Variants in GABBR2 observed in about 807,000 individuals in gnomAD.
The protein encoded by GABBR2 is gamma-aminobutyric acid type B receptor subunit 2, also known as G-protein coupled receptor 51.
GABBR2 carries 23 observed loss-of-function variants against 105.6 expected under a neutral mutation model. That is an observed-to-expected ratio of 0.22 (90% CI 0.16 to 0.31). The LOEUF (loss-of-function observed/expected upper bound fraction) is 0.31, where lower values mean the gene tolerates loss of function less well. Ranked by LOEUF, GABBR2 falls within the 10% of genes least tolerant of loss-of-function variation. The probability of loss-of-function intolerance (pLI) is 1.00; values close to 1 mark genes in which losing one functional copy is unlikely to be tolerated. For missense variants in GABBR2, 734 were observed against 1,245.5 expected, an observed-to-expected ratio of 0.59 and a Z score of 6.18; for synonymous variants, 478 against 499.7, an observed-to-expected ratio of 0.96 and a Z score of 0.58.
intron 1 of GABBR2, among the ~76,000 whole-genome samples, chr9:98,609,448 T>C (rs1829474917): frequency 6.6e-6 from 1 of 152,206 alleles, no homozygotes; most frequent in Non-Finnish European, 1.5e-5. Context: ...AGCATGCCCA[T>C]ATTTCAAGTG....
chr9:98,510,906 TA>T (rs1413550735), intron 3 of GABBR2, among the ~76,000 whole-genome samples: 1 of 152,196 alleles, frequency 6.6e-6, no homozygotes, highest in African/African-American at 2.4e-5. Flanking sequence ...CAAGCAGACC[TA>T]ATAGACATCT....
intron 1 of GABBR2, among the ~76,000 whole-genome samples, chr9:98,636,755 A>G (rs1299614250): frequency 6.6e-6 from 1 of 151,766 alleles, no homozygotes; most frequent in Admixed American, 6.6e-5. Flanking sequence ...CAGCCTCCCA[A>G]AGTGCTGCAT....
intron 3 of GABBR2, among the ~76,000 whole-genome samples, chr9:98,511,996 C>T (rs1442525059): frequency 1.3e-5 from 2 of 152,144 alleles, no homozygotes; most frequent in Non-Finnish European, 2.9e-5. Context: ...AACATCGATG[C>T]AGAAATCCTC....
intron 1 of GABBR2, among the ~76,000 whole-genome samples, chr9:98,691,360 G>A (rs527773167): frequency 2.0e-5 from 3 of 152,254 alleles, no homozygotes; most frequent in Admixed American, 6.5e-5. Context: ...TACAGGGCTT[G>A]TCACCCCTAG....
intron 1 of GABBR2, among the ~76,000 whole-genome samples, chr9:98,689,171 A>G (rs1032433697): frequency 6.6e-6 from 1 of 152,214 alleles, no homozygotes; most frequent in Non-Finnish European, 1.5e-5. Context: ...AAGGCAGGTA[A>G]CTGCACCAGT....
chr9:98,396,800 C>A (rs184862539), intron 8 of GABBR2, among the ~76,000 whole-genome samples: 2 of 152,324 alleles, frequency 1.3e-5, no homozygotes, highest in Admixed American at 1.3e-4. Flanking sequence ...CGCACCCCGG[C>A]CACACAGCCT....
At chr9:98,543,224 A>T (rs1440335755) in intron 2 of GABBR2, among the ~76,000 whole-genome samples, 5 of 152,092 alleles carry the variant, frequency 3.3e-5, no homozygotes, top group Non-Finnish European at 5.9e-5. Context: ...AGCCTCAGCC[A>T]CAGAAGGTAG....
chr9:98,462,604 C>G (rs1000150194), intron 6 of GABBR2, among the ~76,000 whole-genome samples: 1 of 152,134 alleles, frequency 6.6e-6, no homozygotes, highest in African/African-American at 2.4e-5. Flanking sequence ...AACAAGACAC[C>G]AACCACTACA....
chr9:98,463,698 T>A (rs1216815303), intron 6 of GABBR2, among the ~76,000 whole-genome samples: 1 of 150,956 alleles, frequency 6.6e-6, no homozygotes, highest in Non-Finnish European at 1.5e-5. Flanking sequence ...AGTACTGCCG[T>A]GATCTCGGCT....
intron 1 of GABBR2, among the ~76,000 whole-genome samples, chr9:98,622,285 C>A (rs1185103066): frequency 3.3e-5 from 5 of 151,946 alleles, no homozygotes; most frequent in African/African-American, 1.2e-4. Flanking sequence ...CCACCTCAGC[C>A]TCCTGATTAG....
chr9:98,416,802 C>T (rs140358267), intron 7 of GABBR2, among the ~76,000 whole-genome samples: 6 of 152,340 alleles, frequency 3.9e-5, no homozygotes, highest in South Asian at 2.1e-4. Context: ...TGCTTCAGTG[C>T]TCCTTCTGTA....
chr9:98,584,252 A>G (rs1240970750), intron 1 of GABBR2, among the ~76,000 whole-genome samples: 1 of 152,196 alleles, frequency 6.6e-6, no homozygotes, highest in African/African-American at 2.4e-5. Context: ...CTGTCATGCA[A>G]TAACTCAAAG....
intron 13 of GABBR2, among the ~76,000 whole-genome samples, chr9:98,316,545 G>A (rs563105260): frequency 1.1e-4 from 17 of 152,186 alleles, no homozygotes; most frequent in Non-Finnish European, 2.4e-4. Context: ...TAACTGTTAA[G>A]CACTACCATT....
chr9:98,613,721 A>G (rs1829541512), intron 1 of GABBR2, among the ~76,000 whole-genome samples: 1 of 152,250 alleles, frequency 6.6e-6, no homozygotes, highest in Non-Finnish European at 1.5e-5. Flanking sequence ...TTCAAAAGTG[A>G]GAGGAAAACA....
At chr9:98,371,406 G>C (rs745441700) in intron 12 of GABBR2, 58 bp downstream of exon 12, 58 of 915,064 alleles carry the variant, frequency 6.3e-5, no homozygotes, top group Middle Eastern at 4.2e-4. Flanking sequence ...GTATATACTT[G>C]CTAGATAAAT....
intron 13 of GABBR2, among the ~76,000 whole-genome samples, chr9:98,353,247 G>T (rs1042016278): frequency 2.0e-5 from 3 of 152,112 alleles, no homozygotes; most frequent in African/African-American, 7.2e-5. Flanking sequence ...GGTGTATCTT[G>T]TTAAAGTTTT....
rs561263313 is a variant in GABBR2 at position 98,597,581 on chromosome 9, T to A, written c.322-19509A>T. Among the ~76,000 whole-genome samples the A allele has an allele frequency of 7.2e-5, 11 of 152,242 alleles. No homozygotes were observed. The South Asian group carries it at 2.3e-3, about 32-fold the overall frequency. On this transcript the variant is annotated intron_variant, in intron 1 of 18. Coordinates refer to ENST00000259455, the MANE Select transcript of GABBR2 (RefSeq NM_005458.8). Reference sequence around the variant, plus strand: ...GGAAGCTGGGCTTGAGGCCAGCCTGTCTGTGCACTCACCCACAACCTCATG... The same window carrying A: ...GGAAGCTGGGCTTGAGGCCAGCCTGACTGTGCACTCACCCACAACCTCATG...
intron 7 of GABBR2, among the ~76,000 whole-genome samples, chr9:98,431,749 G>A (rs1825812736): frequency 6.6e-6 from 1 of 151,964 alleles, no homozygotes; most frequent in African/African-American, 2.4e-5. Flanking sequence ...AGGCTGAAAT[G>A]CAGTGGTGCA....
At chr9:98,487,978 A>G (rs1466521205) in intron 4 of GABBR2, among the ~76,000 whole-genome samples, 1 of 152,192 alleles carries the variant, frequency 6.6e-6, no homozygotes, top group Non-Finnish European at 1.5e-5. Context: ...TGTATTCACA[A>G]GGTCCTTAAA....
Sources: allele counts gnomAD v4.1 joint callset (sites outside exome capture counted in the v4.1 genomes callset), GRCh38; gene constraint gnomAD v4.1.1; transcripts MANE v1.5; gene names NCBI Gene and HGNC (gene_info 2026-07-23, HGNC 2026-07-21).